Variants in NCS1 observed in about 807,000 individuals in gnomAD.
NCS1 encodes frequenin homolog.
NCS1 carries 6 observed loss-of-function variants against 28.4 expected under a neutral mutation model. The ratio of observed to expected loss-of-function variants is 0.21; its 90% confidence interval spans 0.12 to 0.42. NCS1 has a LOEUF of 0.42. NCS1 is among the 10% of genes least tolerant of loss of function. NCS1 has a pLI of 1.00. For missense variants in NCS1, 131 were observed against 241.4 expected (o/e 0.54, Z 3.03); for synonymous variants, 86 against 99.3 (o/e 0.87, Z 0.79).
chr9:130,223,553 G>A lies in NCS1; in HGVS notation c.474+394G>A, dbSNP rs143016651. Among the ~76,000 whole-genome samples, 448 of 152,230 alleles carry A rather than the reference G, an allele frequency of 2.9e-3. 6 individuals carry two copies. Among genetic ancestry groups the A allele is most frequent in the African/African-American group, 0.01 (421 of 41,532 alleles). On this transcript the variant is annotated intron_variant, in intron 6 of 7. Transcript: ENST00000372398. ...TTAAAAAAAGAATCTGTGATGTAGCGTTCTGTGAGCTGCTTTCTTAACGCA... is the reference window on the plus strand; with the variant it reads ...TTAAAAAAAGAATCTGTGATGTAGCATTCTGTGAGCTGCTTTCTTAACGCA...
rs538765259 is a variant in NCS1 at position 130,191,417 on chromosome 9, G to C, written c.65-9541G>C. 1.3e-5 allele frequency among the ~76,000 whole-genome samples: 2 copies of C among 152,300 alleles called. No homozygotes were observed. Among genetic ancestry groups the C allele is most frequent in the Admixed American group, 1.3e-4 (2 of 15,306 alleles). ...GACAGGCTGGGAGATCCCCCAACAG[G>C]TGAAATACCCCCCGATTCGAGTGCT... On this transcript the variant is annotated intron_variant, in intron 1 of 7. Transcript: ENST00000372398. The surrounding 1 kb of genome is among the most constrained non-coding windows in gnomAD (Gnocchi z 6.4).
rs571616044 is a variant in NCS1, at chr9:130,208,717, G to T, written c.89+7735G>T. 5.9e-5 allele frequency among the ~76,000 whole-genome samples: 9 copies of T among 152,346 alleles called. No individual in the cohort carries two copies. The East Asian group carries it at 1.7e-3, about 29-fold the overall frequency. Reference sequence around the variant, plus strand: ...CTGGGCCGCGCCATGCAGAGTGGGCGCGGAGACAGCCTCTCAGCAACACAC... The same window carrying T: ...CTGGGCCGCGCCATGCAGAGTGGGCTCGGAGACAGCCTCTCAGCAACACAC... On this transcript the variant is annotated intron_variant, in intron 2 of 7. Coordinates refer to ENST00000372398, the MANE Select transcript of NCS1 (RefSeq NM_014286.4).
At chr9:130,218,022 A>C (rs1005662289) in intron 3 of NCS1, 52 bp downstream of exon 3, 2 of 1,610,582 alleles carry the variant, frequency 1.2e-6, no homozygotes. Context: ...TCCTGTGGGT[A>C]CCCGCAGCGT....
rs1033812705 is a variant in NCS1 at position 130,222,811 on chromosome 9, G to A, written c.396+73G>A. ...CCAGTGACTGAGAGACAGAGAGAGA[G>A]CACTTGTGCAGCCATGCTCCTGCCC... is the stretch of plus-strand genomic sequence containing the variant. On this transcript the variant is annotated intron_variant, in intron 5 of 7. Coordinates refer to ENST00000372398, the MANE Select transcript of NCS1 (RefSeq NM_014286.4). 7.5e-6 allele frequency: 11 copies of A among 1,476,092 alleles called. No homozygotes were observed. In the South Asian group the frequency reaches 9.1e-5, roughly 12 times the overall value. The allele number at this position is 1,476,092 out of a possible 1,614,324, so 91.4% of individuals were successfully genotyped here. A position where few individuals can be genotyped will look rare whatever the true frequency, so the allele number is the denominator to read the frequency against.
chr9:130,217,785 A>G (rs1554909593), intron 2 of NCS1, 47 bp from the exon 3 acceptor site: 2 of 1,613,244 alleles, frequency 1.2e-6, no homozygotes, highest in Non-Finnish European at 8.5e-7. Context: ...TGGGTGGGTG[A>G]TGTTGGCGTC....
Position 130,186,967 on chromosome 9 carries a change from G to C in NCS1, c.65-13991G>C, listed in dbSNP as rs1440338047. On this transcript the variant is annotated intron_variant, in intron 1 of 7. Transcript: ENST00000372398. This position sits in a 1 kb window ranked among gnomAD's most constrained non-coding sequence, Gnocchi z 4.1. The stretch of plus-strand genomic sequence containing the variant: ...AGAAGCAGATCCGCGGAAGTCCCTT[G>C]GCCTCTCCAAGCTTCGGTTTCCTGG... Among the ~76,000 whole-genome samples the C allele has an allele frequency of 1.3e-5, 2 of 152,332 alleles. No homozygotes were observed. Among genetic ancestry groups the C allele is most frequent in the South Asian group, 4.1e-4 (2 of 4,830 alleles).
At chr9:130,218,243 TCACA>T (rs1191303731) in intron 3 of NCS1, among the ~76,000 whole-genome samples, 3 of 152,208 alleles carry the variant, frequency 2.0e-5, no homozygotes, top group Non-Finnish European at 4.4e-5. Context: ...ATCCAAGCTC[TCACA>T]CAGACGTGTA....
In NCS1 at chr9:130,219,415, AGGC is replaced by A. The variant is rs1833237679; in HGVS notation, c.229-309_229-307del. Among the ~76,000 whole-genome samples the A allele has an allele frequency of 3.3e-5, 5 of 152,294 alleles. No homozygotes were observed. The South Asian group carries it at 1.0e-3, about 32-fold the overall frequency. On this transcript the variant is annotated intron_variant, in intron 3 of 7. Coordinates refer to ENST00000372398, the MANE Select transcript of NCS1 (RefSeq NM_014286.4). This position sits in a 1 kb window ranked among gnomAD's most constrained non-coding sequence, Gnocchi z 5.7. ...TCCGGGCTGTTGCTGAGAGGAGCTC[AGGC>A]ATTGGTGCTTCTGGCACCTTCTCCC...
At chr9:130,222,953 G>A (rs1833353115) in intron 5 of NCS1, 129 bp from the exon 6 acceptor site, 6 of 834,044 alleles carry the variant, frequency 7.2e-6, no homozygotes, top group Non-Finnish European at 1.2e-5. Flanking sequence ...ACAATGGCAG[G>A]GATGGGGAGG....
At chr9:130,195,595 TG>T (rs1832867816) in intron 1 of NCS1, among the ~76,000 whole-genome samples, 1 of 152,208 alleles carries the variant, frequency 6.6e-6, no homozygotes, top group Admixed American at 6.5e-5. Flanking sequence ...GGCTAATTTT[TG>T]TATTTTTAGT....
intron 1 of NCS1, among the ~76,000 whole-genome samples, chr9:130,193,195 C>T (rs1441424833): frequency 3.9e-5 from 6 of 152,126 alleles, no homozygotes; most frequent in Non-Finnish European, 5.9e-5. Context: ...GAGATGGTAC[C>T]GAGGGGGCTC....
At chr9:130,206,089 C>T (rs1833021149) in intron 2 of NCS1, among the ~76,000 whole-genome samples, 2 of 152,226 alleles carry the variant, frequency 1.3e-5, no homozygotes, top group African/African-American at 4.8e-5. Flanking sequence ...CTCTGCCCTC[C>T]TGTGCCCATG....
intron 6 of NCS1, 80 bp downstream of exon 6, chr9:130,223,239 G>C: frequency 7.3e-7 from 1 of 1,373,598 alleles, no homozygotes; most frequent in Non-Finnish European, 1.0e-6. Flanking sequence ...TGGATCCTGG[G>C]CCTGGCTTTG....
chr9:130,199,526 T>C (rs1832915594), intron 1 of NCS1, among the ~76,000 whole-genome samples: 1 of 152,250 alleles, frequency 6.6e-6, no homozygotes, highest in South Asian at 2.1e-4. Flanking sequence ...TCTGGCTGCC[T>C]GGTTCTGAGC....
chr9:130,173,443 G>A (rs913614725), intron 1 of NCS1, among the ~76,000 whole-genome samples: 3 of 152,162 alleles, frequency 2.0e-5, no homozygotes, highest in Non-Finnish European at 4.4e-5. Flanking sequence ...ATCAGCCTCA[G>A]TGTGTCTCCC....
At position 130,191,417 on chromosome 9, in the gene NCS1, G is replaced by A. The variant is rs538765259; in HGVS notation, c.65-9541G>A. 6.6e-6 allele frequency among the ~76,000 whole-genome samples: 1 copy of A among 152,182 alleles called. No homozygotes were observed. The highest frequency in any genetic ancestry group is 1.5e-5 in the Non-Finnish European group (1 of 68,032). ...GACAGGCTGGGAGATCCCCCAACAG[G>A]TGAAATACCCCCCGATTCGAGTGCT... is the stretch of plus-strand genomic sequence containing the variant. On this transcript the variant is annotated intron_variant, in intron 1 of 7. Transcript: ENST00000372398. The surrounding 1 kb of genome is among the most constrained non-coding windows in gnomAD (Gnocchi z 6.4).
rs1832490688 is a variant in NCS1, at chr9:130,172,423, G to T, written c.-241G>T. On this transcript the variant is annotated 5_prime_UTR_variant, in exon 1 of 8. Transcript: ENST00000372398. ...GAGCCCAGTAACCAGGGACGACCGC[G>T]GCCACACCGCGCCGGCGCCGGCGCC... 6.9e-6 allele frequency among the ~76,000 whole-genome samples: 1 copy of T among 145,882 alleles called. No individual in the cohort carries two copies. The highest frequency in any genetic ancestry group is 2.0e-4 in the East Asian group (1 of 4,936).
At position 130,215,603 on chromosome 9, in the gene NCS1, T is replaced by G. The variant is rs1177639723; in HGVS notation, c.90-2229T>G. 1.3e-5 allele frequency among the ~76,000 whole-genome samples: 2 copies of G among 152,156 alleles called. No homozygotes were observed. Among genetic ancestry groups the G allele is most frequent in the Non-Finnish European group, 2.9e-5 (2 of 68,026 alleles). ...TCTCACGCATTGCTGTGGATGAATC[T>G]CCTGATCTCTCTGTGCCTCAGTGCC... is the stretch of plus-strand genomic sequence containing the variant. On this transcript the variant is annotated intron_variant, in intron 2 of 7. Transcript: ENST00000372398. This position sits in a 1 kb window ranked among gnomAD's most constrained non-coding sequence, Gnocchi z 4.2.
At chr9:130,179,908 G>A (rs1554904987) in intron 1 of NCS1, among the ~76,000 whole-genome samples, 1 of 152,198 alleles carries the variant, frequency 6.6e-6, no homozygotes, top group African/African-American at 2.4e-5. Flanking sequence ...TATGTGGCAG[G>A]AACTGCTTTG....
Sources: allele counts gnomAD v4.1 joint callset (sites outside exome capture counted in the v4.1 genomes callset), GRCh38; gene constraint gnomAD v4.1.1; non-coding constraint Gnocchi (gnomAD v3.1); transcripts MANE v1.5; gene names NCBI Gene and HGNC (gene_info 2026-07-23, HGNC 2026-07-21).